CORO1C: variants seen among roughly 807,000 people sequenced by gnomAD.
CORO1C encodes the protein coronin-1C.
CORO1C carries 14 observed loss-of-function variants against 51.2 expected under a neutral mutation model. The observed-to-expected ratio is 0.27, with a 90% confidence interval of 0.18 to 0.43. The LOEUF (loss-of-function observed/expected upper bound fraction) is 0.43. CORO1C is among the 20% of genes least tolerant of loss of function. The pLI is 1.00. For synonymous variants in CORO1C, 181 were observed against 210.5 expected (o/e 0.86, Z 1.21); for missense variants, 417 against 607.8 (o/e 0.69, Z 3.30).
At chr12:108,665,829 C>G (rs1197690526) in intron 3 of CORO1C, among the ~76,000 whole-genome samples, 1 of 152,224 alleles carries the variant, frequency 6.6e-6, no homozygotes, top group Non-Finnish European at 1.5e-5. Context: ...CTGATTCAGT[C>G]ACATAGTGGT....
chr12:108,713,970 C>G (rs1233236346), intron 1 of CORO1C, among the ~76,000 whole-genome samples: 1 of 152,174 alleles, frequency 6.6e-6, no homozygotes, highest in Non-Finnish European at 1.5e-5. Context: ...ATACAGAAAC[C>G]AGCTGTAGGC....
intron 3 of CORO1C, among the ~76,000 whole-genome samples, chr12:108,662,939 C>A (rs2033331000): frequency 6.6e-6 from 1 of 152,030 alleles, no homozygotes; most frequent in Non-Finnish European, 1.5e-5. Context: ...TGATAAGAGA[C>A]CCATAGCCTG....
intron 3 of CORO1C, among the ~76,000 whole-genome samples, chr12:108,666,973 G>A (rs1472876510): frequency 6.6e-6 from 1 of 151,890 alleles, no homozygotes; most frequent in Non-Finnish European, 1.5e-5. Flanking sequence ...GCCACTCTCT[G>A]AGCCTGTTTC....
intron 2 of CORO1C, among the ~76,000 whole-genome samples, chr12:108,698,761 C>T (rs769389355): frequency 6.6e-6 from 1 of 152,170 alleles, no homozygotes; most frequent in East Asian, 1.9e-4. Flanking sequence ...AACAGAGGAG[C>T]GGAAGGATAA....
chr12:108,673,999 T>C (rs550711766), intron 3 of CORO1C, among the ~76,000 whole-genome samples: 1 of 152,240 alleles, frequency 6.6e-6, no homozygotes, highest in Admixed American at 6.5e-5. Context: ...ACTGAATATT[T>C]TAAGCCCACC....
intron 1 of CORO1C, among the ~76,000 whole-genome samples, chr12:108,721,632 T>G (rs1592953383): frequency 6.6e-6 from 1 of 152,222 alleles, no homozygotes; most frequent in Non-Finnish European, 1.5e-5. Context: ...CATAAAATGT[T>G]TGAATGAAAA....
intron 3 of CORO1C, among the ~76,000 whole-genome samples, chr12:108,669,929 T>C (rs1375986093): frequency 6.6e-6 from 1 of 152,218 alleles, no homozygotes; most frequent in Non-Finnish European, 1.5e-5. Context: ...ATCAGTTCTA[T>C]ACTTAAAGAT....
At chr12:108,705,774 C>G (rs1490342330) in intron 1 of CORO1C, among the ~76,000 whole-genome samples, 7 of 152,052 alleles carry the variant, frequency 4.6e-5, no homozygotes, top group Non-Finnish European at 1.0e-4. Flanking sequence ...AATTATACAC[C>G]ACAATCAAGT....
chr12:108,652,490 C>A, intron 7 of CORO1C, 73 bp from the exon 8 acceptor site: 4 of 1,259,666 alleles, frequency 3.2e-6, no homozygotes, highest in Non-Finnish European at 4.6e-6. Context: ...TGTCTCTCTC[C>A]TCTACAAACC....
intron 1 of CORO1C, among the ~76,000 whole-genome samples, chr12:108,717,194 G>T (rs2136883130): frequency 6.6e-6 from 1 of 152,316 alleles, no homozygotes; most frequent in South Asian, 2.1e-4. Context: ...GTCCCAGCTG[G>T]GAGGAACAAC....
chr12:108,704,255 C>T (rs772387444), intron 1 of CORO1C, among the ~76,000 whole-genome samples: 22 of 152,194 alleles, frequency 1.4e-4, no homozygotes, highest in Non-Finnish European at 2.5e-4. Flanking sequence ...AGACGGATCA[C>T]GAGGTCAGGC....
At chr12:108,718,620 G>C (rs1486243192) in intron 1 of CORO1C, among the ~76,000 whole-genome samples, 1 of 152,118 alleles carries the variant, frequency 6.6e-6, no homozygotes, top group Non-Finnish European at 1.5e-5. Flanking sequence ...TATGTTTCTG[G>C]AATTTTCAGA....
At chr12:108,729,961 G>A (rs1253667747) in intron 1 of CORO1C, among the ~76,000 whole-genome samples, 1 of 152,206 alleles carries the variant, frequency 6.6e-6, no homozygotes, top group African/African-American at 2.4e-5. Flanking sequence ...GTGACTAAGA[G>A]CCCTACAAGT....
chr12:108,694,106 ACT>A (rs573782183), intron 2 of CORO1C, among the ~76,000 whole-genome samples: 63 of 152,138 alleles, frequency 4.1e-4, no homozygotes, highest in African/African-American at 1.5e-3. Context: ...ACACAGTGAA[ACT>A]CTGTCTCTAC....
chr12:108,696,066 G>A (rs2034670253), intron 2 of CORO1C, among the ~76,000 whole-genome samples: 2 of 152,050 alleles, frequency 1.3e-5, no homozygotes, highest in African/African-American at 4.8e-5. Context: ...CTACAACAAA[G>A]GAGCCCATGG....
rs1034454246 is a variant in CORO1C, at chr12:108,657,479, G to A, written c.631-56C>T. The A allele has an allele frequency of 2.2e-5, 35 of 1,584,892 alleles. 1 individual carries two copies. In the African/African-American group the frequency reaches 4.3e-4, roughly 19 times the overall value. On this transcript the variant is annotated intron_variant, in intron 5 of 10. Transcript: ENST00000261401. ...TAAACTGCAAGAAGACAAGGTGAGT[G>A]GAGAAACTCGGGCACAGATCCAACC... is the stretch of plus-strand genomic sequence containing the variant.
chr12:108,707,998 T>C (rs767881620), intron 1 of CORO1C, among the ~76,000 whole-genome samples: 6 of 152,156 alleles, frequency 3.9e-5, no homozygotes, highest in Non-Finnish European at 7.4e-5. Context: ...GATGAGAATA[T>C]AGACAAATCA....
At chr12:108,690,376 T>C (rs1192325480) in intron 2 of CORO1C, among the ~76,000 whole-genome samples, 1 of 152,154 alleles carries the variant, frequency 6.6e-6, no homozygotes, top group Non-Finnish European at 1.5e-5. Flanking sequence ...AGAGGGAGTA[T>C]GGGCCTACAG....
intron 3 of CORO1C, among the ~76,000 whole-genome samples, chr12:108,663,659 T>A (rs2033362139): frequency 6.6e-6 from 1 of 152,088 alleles, no homozygotes; most frequent in Non-Finnish European, 1.5e-5. Context: ...AGTAGAATAG[T>A]GGTTGCTTAG....
Sources: gnomAD v4.1 joint callset for allele counts (sites outside exome capture counted in the v4.1 genomes callset) on GRCh38, gnomAD v4.1.1 for gene constraint, MANE v1.5 for transcripts, NCBI Gene and HGNC (gene_info 2026-07-23, HGNC 2026-07-21) for gene names.